PPT1: variants seen among roughly 807,000 people sequenced by gnomAD.
PPT1 encodes the protein palmitoyl-protein thioesterase 1, also known as ceroid-palmitoyl-palmitoyl-protein thioesterase 1.
PPT1 carries 24 observed loss-of-function variants against 44.0 expected under a neutral mutation model. The ratio of observed to expected loss-of-function variants is 0.54; its 90% confidence interval spans 0.39 to 0.77. The LOEUF is 0.77. PPT1 is among the 30% of genes least tolerant of loss of function. The probability of loss-of-function intolerance (pLI) is 0.00; values close to 1 mark genes in which losing one functional copy is unlikely to be tolerated. For missense variants in PPT1, 341 were observed against 378.8 expected, an observed-to-expected ratio of 0.90 and a Z score of 0.83; for synonymous variants, 148 against 140.2, an observed-to-expected ratio of 1.06 and a Z score of -0.39.
intron 1 of PPT1, among the ~76,000 whole-genome samples, chr1:40,093,769 C>CA (rs58463538): frequency 0.82 from 123,170 of 151,012 alleles, 50,997 homozygotes; most frequent in Non-Finnish European, 0.89. Flanking sequence ...TCTGTAGTCC[C>CA]GCTACTTGGG....
chr1:40,091,487 CTG>C (rs892148809), intron 3 of PPT1, 88 bp from the exon 4 acceptor site: 1 of 1,174,564 alleles, frequency 8.5e-7, no homozygotes, highest in Non-Finnish European at 1.3e-6. Flanking sequence ...TAGTCATCCT[CTG>C]TGACTCCCCA....
At chr1:40,080,818 G>A (rs1045944386) in intron 5 of PPT1, among the ~76,000 whole-genome samples, 2 of 152,176 alleles carry the variant, frequency 1.3e-5, no homozygotes, top group African/African-American at 4.8e-5. Flanking sequence ...AGGTTGCAGT[G>A]AGCTGAGATC....
intron 1 of PPT1, among the ~76,000 whole-genome samples, chr1:40,093,700 C>A (rs899531318): frequency 1.3e-5 from 2 of 151,874 alleles, no homozygotes; most frequent in Non-Finnish European, 2.9e-5. Context: ...GCCTGGGCAA[C>A]ATGGTGAAAC....
In PPT1 at chr1:40,097,184, A is replaced by C; in HGVS notation, c.55T>G (p.Cys19Gly). ...LLAVALLPWT[C>G]ASRALQHLDP... is the part of the protein sequence containing the mutation. The stretch of plus-strand genomic sequence containing the variant: ...AGATGCTGCAGCGCCCGAGAAGCGC[A>C]GGTCCATGGCAGGAGAGCCACAGCC... The change falls in exon 1 of 9, where the codon TGC (cysteine) becomes GGC (glycine). Residue 19 changes from cysteine to glycine, a missense_variant. Cys to Gly is a radical substitution (Grantham distance 159, BLOSUM62 -3). Coordinates refer to ENST00000642050, the MANE Select transcript of PPT1 (RefSeq NM_000310.4). The C allele has an allele frequency of 6.2e-7, 1 of 1,614,070 alleles. No homozygotes were observed. The highest frequency in any genetic ancestry group is 8.5e-7 in the Non-Finnish European group (1 of 1,179,964).
At position 40,092,540 on chromosome 1, in the gene PPT1, G is replaced by C. The variant is rs748782427; in HGVS notation, c.125-33C>G. ...ACAAAACACAATGATGGAAACTCAT[G>C]AGTCCAAATATTGTTTATTGTTTAA... is the stretch of plus-strand genomic sequence containing the variant. On this transcript the variant is annotated intron_variant, in intron 1 of 8. Coordinates refer to ENST00000642050, the MANE Select transcript of PPT1 (RefSeq NM_000310.4). 3 of 1,484,940 alleles carry C rather than the reference G, an allele frequency of 2.0e-6. No individual in the cohort carries two copies. In the East Asian group the frequency reaches 6.8e-5, roughly 34 times the overall value. 92.0% of individuals were successfully genotyped at this position (1,484,940 alleles called of 1,614,324 possible).
chr1:40,079,133 C>T (rs985309630), intron 6 of PPT1, among the ~76,000 whole-genome samples: 3 of 152,138 alleles, frequency 2.0e-5, no homozygotes, highest in East Asian at 3.9e-4. Flanking sequence ...CTTAGGATAA[C>T]GGCCTCCAGC....
intron 1 of PPT1, among the ~76,000 whole-genome samples, chr1:40,096,566 A>G (rs1387592515): frequency 6.6e-6 from 1 of 152,140 alleles, no homozygotes; most frequent in Non-Finnish European, 1.5e-5. Context: ...AGCTATGTGT[A>G]TAAGGTGTAT....
intron 4 of PPT1, 119 bp downstream of exon 4, chr1:40,091,210 A>G (rs1649543531): frequency 1.9e-6 from 2 of 1,055,806 alleles, no homozygotes; most frequent in Admixed American, 2.0e-5. Flanking sequence ...AAGCTAGAGA[A>G]ACAGGATTTT....
intron 5 of PPT1, among the ~76,000 whole-genome samples, chr1:40,084,851 T>C (rs1649168903): frequency 6.6e-6 from 1 of 152,234 alleles, no homozygotes; most frequent in African/African-American, 2.4e-5. Context: ...GTGTGAGCCC[T>C]CTGTCATGCC....
At chr1:40,076,190 C>A (rs1648617805) in intron 8 of PPT1, among the ~76,000 whole-genome samples, 1 of 151,930 alleles carries the variant, frequency 6.6e-6, no homozygotes, top group African/African-American at 2.4e-5. Flanking sequence ...CTTGGCCAGG[C>A]GCACTGGCTC....
intron 6 of PPT1, 122 bp downstream of exon 6, chr1:40,080,275 G>T: frequency 9.4e-7 from 1 of 1,060,088 alleles, no homozygotes. Context: ...AAAAAAAACA[G>T]AACTTCTCTT....
rs1341144218 is a variant in PPT1, at chr1:40,073,351, C to T, written c.*710G>A. ...GCCTCACTTTTCACTTTCGCGCCTA[C>T]ATTTTCTTCGCTCCCTAAGTTATAC... On this transcript the variant is annotated 3_prime_UTR_variant, in exon 9 of 9. Coordinates refer to ENST00000642050, the MANE Select transcript of PPT1 (RefSeq NM_000310.4). 2.0e-5 allele frequency: 3 copies of T among 152,380 alleles called. No individual in the cohort carries two copies. Among genetic ancestry groups the T allele is most frequent in the African/African-American group, 7.2e-5 (3 of 41,454 alleles). The allele number at this position is 152,380 out of a possible 1,614,324, so 9.4% of individuals were successfully genotyped here. A position where few individuals can be genotyped will look rare whatever the true frequency, so the allele number is the denominator to read the frequency against.
downstream of PPT1, chr1:40,072,180 T>C (rs1648162291): frequency 2.5e-6 from 1 of 397,008 alleles, no homozygotes; most frequent in African/African-American, 2.1e-5. Context: ...CCAGGGCAGT[T>C]AATGGAGTCT....
At chr1:40,076,955 A>G in intron 7 of PPT1, 42 bp from the exon 8 acceptor site, 2 of 1,607,706 alleles carry the variant, frequency 1.2e-6, no homozygotes, top group Non-Finnish European at 1.7e-6. Flanking sequence ...TATGACACAC[A>G]GCACATACTG....
At chr1:40,074,749 G>A (rs928293600) in intron 8 of PPT1, among the ~76,000 whole-genome samples, 2 of 151,974 alleles carry the variant, frequency 1.3e-5, no homozygotes, top group African/African-American at 4.8e-5. Context: ...GATTACAGGC[G>A]TGAGCCACCA....
chr1:40,088,592 G>C (rs980296620), intron 5 of PPT1, among the ~76,000 whole-genome samples: 8 of 151,976 alleles, frequency 5.3e-5, no homozygotes, highest in South Asian at 4.2e-4. Context: ...GATTTTAACA[G>C]AGACAGGGGT....
At chr1:40,085,370 C>A (rs1243493199) in intron 5 of PPT1, among the ~76,000 whole-genome samples, 1 of 152,214 alleles carries the variant, frequency 6.6e-6, no homozygotes, top group African/African-American at 2.4e-5. Context: ...ACACTCCTTA[C>A]CCTGCCCCCC....
Position 40,073,945 on chromosome 1 carries a change from A to G in PPT1, c.*116T>C. 7.4e-7 allele frequency: 1 copy of G among 1,357,456 alleles called. No homozygotes were observed. Among genetic ancestry groups the G allele is most frequent in the South Asian group, 1.2e-5 (1 of 84,896 alleles). The allele number at this position is 1,357,456 out of a possible 1,614,324, so 84.1% of individuals were successfully genotyped here. A position where few individuals can be genotyped will look rare whatever the true frequency, so the allele number is the denominator to read the frequency against. ...TTCCAAGTAGGGCATGTTAGATGAT[A>G]GAAGGATTAGTTGCAAGCTGGATCT... is the stretch of plus-strand genomic sequence containing the variant. On this transcript the variant is annotated 3_prime_UTR_variant, in exon 9 of 9. Coordinates refer to ENST00000642050, the MANE Select transcript of PPT1 (RefSeq NM_000310.4).
intron 5 of PPT1, among the ~76,000 whole-genome samples, chr1:40,088,375 GACCTCATGATCCACCT>G (rs895208841): frequency 9.9e-5 from 15 of 152,086 alleles, no homozygotes; most frequent in African/African-American, 3.6e-4. Context: ...TTGAACTCTT[GACCTCATGATCCACCT>G]GCCTCCACCT....
Sources: allele counts gnomAD v4.1 joint callset (sites outside exome capture counted in the v4.1 genomes callset), GRCh38; gene constraint gnomAD v4.1.1; transcripts MANE v1.5; gene names NCBI Gene and HGNC (gene_info 2026-07-23, HGNC 2026-07-21).